The following RIMBP2 variants were observed in gnomAD, a reference collection of about 807,000 sequenced individuals.
The protein encoded by RIMBP2 is RIMS-binding protein 2.
Under a neutral mutation model 118.6 loss-of-function variants are expected in RIMBP2, and 48 were observed. The observed-to-expected ratio is 0.40, with a 90% CI of 0.32 to 0.51. The LOEUF (loss-of-function observed/expected upper bound fraction) is 0.51, where lower values mean the gene tolerates loss of function less well. RIMBP2 is among the 20% of genes least tolerant of loss of function. The probability of loss-of-function intolerance (pLI) is 0.41; values close to 1 mark genes in which losing one functional copy is unlikely to be tolerated. For missense variants in RIMBP2, 1,551 were observed against 1,768.3 expected (o/e 0.88, Z 2.20); for synonymous variants, 762 against 742.9 (o/e 1.03, Z -0.42).
intron 2 of RIMBP2, among the ~76,000 whole-genome samples, chr12:130,529,875 T>C (rs2053192299): frequency 6.6e-6 from 1 of 152,092 alleles, no homozygotes; most frequent in Non-Finnish European, 1.5e-5. Flanking sequence ...TATGAGAATC[T>C]TATGCCGCCG....
chr12:130,421,701 G>GTGTGTGTA (rs2136677751), intron 17 of RIMBP2, among the ~76,000 whole-genome samples: 1 of 151,150 alleles, frequency 6.6e-6, no homozygotes, highest in African/African-American at 2.5e-5. Context: ...ATGTGTGTGT[G>GTGTGTGTA]TGTGTGTGTG....
chr12:130,524,918 A>G (rs1381819909), intron 2 of RIMBP2, among the ~76,000 whole-genome samples: 1 of 152,076 alleles, frequency 6.6e-6, no homozygotes, highest in Non-Finnish European at 1.5e-5. Context: ...GGTTTAAGGG[A>G]TGGGGCACGT....
chr12:130,688,537 G>T lies in RIMBP2; in HGVS notation c.-352+27685C>A, dbSNP rs1006438867. Reference sequence around the variant, plus strand: ...CCAAGAGCTCCCCCAAGCATGAGTCGTCTTCACCCCTCCATCCGTTACCCC... The same window carrying T: ...CCAAGAGCTCCCCCAAGCATGAGTCTTCTTCACCCCTCCATCCGTTACCCC... On this transcript the variant is annotated intron_variant, in intron 1 of 22. Coordinates refer to ENST00000690449, the MANE Select transcript of RIMBP2 (RefSeq NM_001393629.1). This position sits in a 1 kb window ranked among gnomAD's most constrained non-coding sequence, Gnocchi z 4.7. Among the ~76,000 whole-genome samples, 1 of 152,026 alleles carries T rather than the reference G, an allele frequency of 6.6e-6. No homozygotes were observed. The highest frequency in any genetic ancestry group is 2.4e-5 in the African/African-American group (1 of 41,356).
In RIMBP2 at chr12:130,602,327, A is replaced by ATC. The variant is rs1183778745; in HGVS notation, c.-217+25993_-217+25994dup. Reference sequence around the variant, plus strand: ...TCTCTCTCAACACCTAACCTACCTTATCCATTTCAGCTCTGAGGTCCCAAA... The same window carrying ATC: ...TCTCTCTCAACACCTAACCTACCTTATCTCCATTTCAGCTCTGAGGTCCCAAA... On this transcript the variant is annotated intron_variant, in intron 2 of 22. Transcript: ENST00000690449. 5.9e-5 allele frequency among the ~76,000 whole-genome samples: 9 copies of ATC among 152,338 alleles called. No individual in the cohort carries two copies. The East Asian group carries it at 1.7e-3, about 29-fold the overall frequency.
At chr12:130,427,564 T>A (rs1272678635) in intron 15 of RIMBP2, 1 of 152,298 alleles carries the variant, frequency 6.6e-6, no homozygotes, top group Admixed American at 6.5e-5. Flanking sequence ...TTCCTGCAGG[T>A]AACTGCCCGT....
At chr12:130,522,096 C>A (rs80098582) in intron 2 of RIMBP2, among the ~76,000 whole-genome samples, 7,660 of 152,270 alleles carry the variant, frequency 0.05, 260 homozygotes, top group African/African-American at 0.09. Flanking sequence ...GGCCACATGT[C>A]CCTGAAATCC....
At chr12:130,438,756 C>T (rs2077749762) in intron 11 of RIMBP2, among the ~76,000 whole-genome samples, 1 of 152,106 alleles carries the variant, frequency 6.6e-6, no homozygotes, top group Non-Finnish European at 1.5e-5. Context: ...ATTTAGTCAC[C>T]ATCTTCTGGG....
At position 130,412,683 on chromosome 12, in the gene RIMBP2, C is replaced by A. The variant is rs2075812677; in HGVS notation, c.3525G>T (p.Glu1175Asp). ...GTCTAAGAAGCTGATCCATCATCTC[C>A]TCATCATCTGCTTGTATCTCAGAGA... is the stretch of plus-strand genomic sequence containing the variant. ...NMVSEIQADD[E>D]EMMDQLLRQG... The change falls in exon 19 of 23, where the codon GAG (glutamate) becomes GAT (aspartate). Residue 1175 changes from glutamate to aspartate, a missense_variant. Physicochemically the swap from Glu to Asp is conservative, Grantham distance 45. This residue lies in a region of RIMBP2 where 1,038 missense variants were observed against 1,125.1 expected (regional missense o/e 0.92). Coordinates refer to ENST00000690449, the MANE Select transcript of RIMBP2 (RefSeq NM_001393629.1). 6.2e-6 allele frequency: 10 copies of A among 1,613,882 alleles called. No individual in the cohort carries two copies. The highest frequency in any genetic ancestry group is 1.1e-5 in the South Asian group (1 of 91,074).
At position 130,670,191 on chromosome 12, in the gene RIMBP2, C is replaced by T. The variant is rs1027008570; in HGVS notation, c.-351-41735G>A. The stretch of plus-strand genomic sequence containing the variant: ...ACGGTTGGGAGAGACAAGGAAGAGG[C>T]CCTCCCTTGAGCTCTGGGAGGGAGC... On this transcript the variant is annotated intron_variant, in intron 1 of 22. Coordinates refer to ENST00000690449, the MANE Select transcript of RIMBP2 (RefSeq NM_001393629.1). The surrounding 1 kb of genome is among the most constrained non-coding windows in gnomAD (Gnocchi z 4.9). Among the ~76,000 whole-genome samples the T allele has an allele frequency of 2.0e-5, 3 of 152,072 alleles. No individual in the cohort carries two copies. The highest frequency in any genetic ancestry group is 1.9e-4 in the East Asian group (1 of 5,174).
chr12:130,484,648 C>A (rs1378967281), intron 4 of RIMBP2, among the ~76,000 whole-genome samples: 3 of 152,244 alleles, frequency 2.0e-5, no homozygotes, highest in Non-Finnish European at 4.4e-5. Context: ...TCTTGGAGCT[C>A]AGTCCCACTG....
In RIMBP2 at chr12:130,441,859, G is replaced by C; in HGVS notation, c.1493C>G (p.Thr498Arg). Residue 498 changes from threonine (T) to arginine (R), a missense_variant, in exon 11 of 23, where the codon ACG becomes AGG. Around this residue, in one of 5 missense-constraint regions of RIMBP2, gnomAD observed 1,038 missense variants for 1,125.1 expected, o/e 0.92. Coordinates refer to ENST00000690449, the MANE Select transcript of RIMBP2 (RefSeq NM_001393629.1). ...EKKEAFVEFS[T>R]LPAGPPAPPQ... ...GACACAGGGCTCACCTGCAGGCAAC[G>C]TGGAGAACTCCACAAAGGCCTCCTT... The C allele has an allele frequency of 6.2e-7, 1 of 1,613,552 alleles. No individual in the cohort carries two copies. Among genetic ancestry groups the C allele is most frequent in the Non-Finnish European group, 8.5e-7 (1 of 1,179,918 alleles).
chr12:130,694,412 G>A (rs1010261589), intron 1 of RIMBP2, among the ~76,000 whole-genome samples: 1 of 152,140 alleles, frequency 6.6e-6, no homozygotes, highest in African/African-American at 2.4e-5. Flanking sequence ...CTACATAAAG[G>A]ACCTTAGAGG....
rs143922411 is a variant in RIMBP2, at chr12:130,413,664, G to A, written c.3420+461C>T. Among the ~76,000 whole-genome samples the A allele has an allele frequency of 3.5e-3, 519 of 147,202 alleles. 4 individuals are homozygous for A. The highest frequency in any genetic ancestry group is 0.012 in the African/African-American group (490 of 40,222). Reference sequence around the variant, plus strand: ...AAAAAAAAAAAAAAAAAAGGAACTGGGTACCAAAGGGATAGGAAACAACCT... The same window carrying A: ...AAAAAAAAAAAAAAAAAAGGAACTGAGTACCAAAGGGATAGGAAACAACCT... On this transcript the variant is annotated intron_variant, in intron 18 of 22. Transcript: ENST00000690449.
chr12:130,417,942 T>A (rs1346282233), intron 17 of RIMBP2, among the ~76,000 whole-genome samples: 4 of 151,728 alleles, frequency 2.6e-5, no homozygotes, highest in Non-Finnish European at 5.9e-5. Context: ...GGGAAGCAAG[T>A]GAGAAACACG....
rs1460358392 is a variant in RIMBP2, at chr12:130,442,524, C to T, written c.828G>A (p.Leu276=). 6.2e-7 allele frequency: 1 copy of T among 1,614,040 alleles called. No individual in the cohort carries two copies. The highest frequency in any genetic ancestry group is 1.3e-5 in the African/African-American group (1 of 74,908). Residue 276 remains leucine (L), a synonymous_variant, in exon 11 of 23, where the codon CTG becomes CTA. Transcript: ENST00000690449. The surrounding 1 kb of genome is among the most constrained non-coding windows in gnomAD (Gnocchi z 6.9). ...QNFINHSGIG[L]EGEHILDLHS... Reference sequence around the variant, plus strand: ...GGAGGTCCAGGATGTGCTCTCCCTCCAGGCCGATGCCGGAATGGTTGATGA... The same window carrying T: ...GGAGGTCCAGGATGTGCTCTCCCTCTAGGCCGATGCCGGAATGGTTGATGA...
intron 3 of RIMBP2, among the ~76,000 whole-genome samples, chr12:130,513,866 GA>G (rs2051167420): frequency 6.6e-6 from 1 of 152,232 alleles, no homozygotes; most frequent in Non-Finnish European, 1.5e-5. Context: ...TTCCAAGCAA[GA>G]ATCAGATAGG....
At chr12:130,429,803 CG>C (rs1239682172) in intron 14 of RIMBP2, 1 of 152,160 alleles carries the variant, frequency 6.6e-6, no homozygotes, top group African/African-American at 2.4e-5. Flanking sequence ...GGGCCTCGGC[CG>C]GGCAGTCTGC....
chr12:130,545,219 T>C (rs190198459), intron 2 of RIMBP2, among the ~76,000 whole-genome samples: 22 of 152,302 alleles, frequency 1.4e-4, no homozygotes, highest in African/African-American at 4.8e-4. Flanking sequence ...TCCCTGGTAC[T>C]TGGTACATCT....
intron 1 of RIMBP2, among the ~76,000 whole-genome samples, chr12:130,682,630 A>C (rs1019428626): frequency 1.6e-4 from 24 of 152,260 alleles, no homozygotes; most frequent in African/African-American, 5.5e-4. Context: ...AAAATTCAAA[A>C]CATATCAGAC....
Sources: gnomAD v4.1 joint callset for allele counts (sites outside exome capture counted in the v4.1 genomes callset) on GRCh38, gnomAD v4.1.1 for gene constraint, gnomAD v4.1.1 regional missense constraint, Gnocchi (gnomAD v3.1) non-coding constraint, MANE v1.5 for transcripts, NCBI Gene and HGNC (gene_info 2026-07-23, HGNC 2026-07-21) for gene names.